TAFA5: variants seen among roughly 807,000 people sequenced by gnomAD.
The protein encoded by TAFA5 is chemokine-like protein TAFA-5.
TAFA5 carries 6 observed loss-of-function variants against 15.3 expected under a neutral mutation model. That is an observed-to-expected ratio of 0.39 (90% CI 0.21 to 0.77). The LOEUF is 0.77. TAFA5 is among the 30% of genes least tolerant of loss of function. The pLI is 0.41. For synonymous variants in TAFA5, 103 were observed against 80.7 expected (o/e 1.28, Z -1.48); for missense variants, 161 against 193.1 (o/e 0.83, Z 0.98).
At chr22:48,738,212 T>C (rs1930086311) in intron 3 of TAFA5, among the ~76,000 whole-genome samples, 2 of 152,174 alleles carry the variant, frequency 1.3e-5, no homozygotes, top group Admixed American at 1.3e-4. Context: ...GGGAGGGCCT[T>C]ATTGTCACTG....
chr22:48,552,689 T>C lies in TAFA5; in HGVS notation c.112+62985T>C, dbSNP rs1922898450. On this transcript the variant is annotated intron_variant, in intron 1 of 3. Transcript: ENST00000402357. The surrounding 1 kb of genome is among the most constrained non-coding windows in gnomAD (Gnocchi z 4.1). ...GATTAGCTCAGCTTACTTGATTCAT[T>C]GATTTTGTCAAGGGTCCGTTTATCA... Among the ~76,000 whole-genome samples the C allele has an allele frequency of 6.6e-6, 1 of 152,178 alleles. No homozygotes were observed. Among genetic ancestry groups the C allele is most frequent in the South Asian group, 2.1e-4 (1 of 4,832 alleles).
chr22:48,736,774 C>T (rs1930040855), intron 3 of TAFA5, among the ~76,000 whole-genome samples: 1 of 152,182 alleles, frequency 6.6e-6, no homozygotes, highest in Admixed American at 6.5e-5. Context: ...TGTGAAACTT[C>T]CGGAACAGGC....
chr22:48,607,846 T>A (rs1925251471), intron 1 of TAFA5, among the ~76,000 whole-genome samples: 1 of 152,174 alleles, frequency 6.6e-6, no homozygotes, highest in African/African-American at 2.4e-5. Context: ...TTCCATTTTT[T>A]GCTTGGTCTA....
chr22:48,507,170 GGTGT>G (rs1921022946), intron 1 of TAFA5, among the ~76,000 whole-genome samples: 3 of 108,912 alleles, frequency 2.8e-5, no homozygotes, highest in South Asian at 2.5e-4. Flanking sequence ...CAAAGGGCCA[GGTGT>G]GTAGTTGGAG....
At chr22:48,661,497 C>T (rs1050010812) in intron 2 of TAFA5, among the ~76,000 whole-genome samples, 1 of 152,208 alleles carries the variant, frequency 6.6e-6, no homozygotes, top group Non-Finnish European at 1.5e-5. Flanking sequence ...CCAAAGACAC[C>T]TTATGGCGTG....
Position 48,599,033 on chromosome 22 carries a change from G to A in TAFA5, c.113-47564G>A, listed in dbSNP as rs1484632701. Among the ~76,000 whole-genome samples, 5 of 152,156 alleles carry A rather than the reference G, an allele frequency of 3.3e-5. 1 individual carries two copies. The South Asian group carries it at 1.0e-3, about 32-fold the overall frequency. On this transcript the variant is annotated intron_variant, in intron 1 of 3. Coordinates refer to ENST00000402357, the MANE Select transcript of TAFA5 (RefSeq NM_001082967.3). ...GCCAGGGGAGGGGCGTGGGTGCTGA[G>A]CCCCCATGTCCTCTCTGGGCAAGCC...
Position 48,490,680 on chromosome 22 carries a change from T to C in TAFA5, c.112+976T>C, listed in dbSNP as rs1056737260. On this transcript the variant is annotated intron_variant, in intron 1 of 3. Transcript: ENST00000402357. The surrounding 1 kb of genome is among the most constrained non-coding windows in gnomAD (Gnocchi z 5.8). ...GCTTCAGCTCCGGGAGCTCCGGGCT[T>C]CTTGTCTTCAGCGGGAGAATAGGAC... 1.3e-5 allele frequency among the ~76,000 whole-genome samples: 2 copies of C among 151,078 alleles called. No homozygotes were observed. Among genetic ancestry groups the C allele is most frequent in the Non-Finnish European group, 2.9e-5 (2 of 67,862 alleles).
At chr22:48,714,891 T>A (rs1601693321) in intron 3 of TAFA5, among the ~76,000 whole-genome samples, 1 of 152,360 alleles carries the variant, frequency 6.6e-6, no homozygotes, top group East Asian at 1.9e-4. Flanking sequence ...TAGCTTCTGG[T>A]GACCCCAGGT....
intron 1 of TAFA5, among the ~76,000 whole-genome samples, chr22:48,588,774 C>T (rs1424499757): frequency 6.6e-6 from 1 of 152,120 alleles, no homozygotes; most frequent in Non-Finnish European, 1.5e-5. Flanking sequence ...CGGGGATGCT[C>T]CTGGCAGAAG....
chr22:48,544,341 G>C (rs1016239994), intron 1 of TAFA5: 1 of 283,216 alleles, frequency 3.5e-6, no homozygotes, highest in African/African-American at 2.2e-5. Flanking sequence ...ATGGGAGGAG[G>C]CTGCACAGGG....
intron 1 of TAFA5, among the ~76,000 whole-genome samples, chr22:48,497,423 C>G (rs974032404): frequency 1.3e-5 from 2 of 151,980 alleles, no homozygotes; most frequent in African/African-American, 4.8e-5. Flanking sequence ...CGCCTCAGCG[C>G]AGCCAAGAAG....
rs140429110 is a variant in TAFA5, at chr22:48,617,311, T to G, written c.113-29286T>G. ...CAGGGAGCCCAGGGGTGTGGCGGCC[T>G]CTGGAATCTGGAAAAGCAAAGGGAA... On this transcript the variant is annotated intron_variant, in intron 1 of 3. Coordinates refer to ENST00000402357, the MANE Select transcript of TAFA5 (RefSeq NM_001082967.3). 8.7e-4 allele frequency among the ~76,000 whole-genome samples: 132 copies of G among 152,192 alleles called. 4 individuals are homozygous for G. In the East Asian group the frequency reaches 0.023, roughly 27 times the overall value.
At chr22:48,722,642 C>T (rs1312682358) in intron 3 of TAFA5, among the ~76,000 whole-genome samples, 6 of 151,726 alleles carry the variant, frequency 4.0e-5, no homozygotes, top group Non-Finnish European at 7.4e-5. Context: ...CACCACGGCA[C>T]ATGTATACCT....
intron 2 of TAFA5, among the ~76,000 whole-genome samples, chr22:48,698,730 G>A (rs961925643): frequency 6.9e-5 from 2 of 28,846 alleles, no homozygotes; most frequent in African/African-American, 5.7e-4. Flanking sequence ...TGGCCCTACA[G>A]CGGGTGCCTC....
intron 3 of TAFA5, among the ~76,000 whole-genome samples, chr22:48,736,711 A>G (rs986639409): frequency 7.2e-5 from 11 of 152,208 alleles, no homozygotes; most frequent in African/African-American, 2.7e-4. Flanking sequence ...CGGAAACATG[A>G]CGCCGAGTGA....
intron 2 of TAFA5, among the ~76,000 whole-genome samples, chr22:48,682,628 A>G (rs73175152): frequency 0.035 from 5,392 of 152,248 alleles, 141 homozygotes; most frequent in Non-Finnish European, 0.055. Context: ...TGTATTGACA[A>G]AACCCTGACA....
At chr22:48,585,147 ACAC>A (rs1322225464) in intron 1 of TAFA5, among the ~76,000 whole-genome samples, 1 of 150,144 alleles carries the variant, frequency 6.7e-6, no homozygotes, top group Non-Finnish European at 1.5e-5. Flanking sequence ...ACAACAAAAT[ACAC>A]CACACACTAG....
intron 1 of TAFA5, among the ~76,000 whole-genome samples, chr22:48,518,230 C>T (rs147469568): frequency 2.1e-4 from 32 of 152,318 alleles, no homozygotes; most frequent in Non-Finnish European, 3.4e-4. Context: ...GGTGTCTGGA[C>T]CTGGGGTTTC....
intron 1 of TAFA5, among the ~76,000 whole-genome samples, chr22:48,508,022 G>A (rs1460621846): frequency 6.6e-6 from 1 of 152,122 alleles, no homozygotes; most frequent in Non-Finnish European, 1.5e-5. Flanking sequence ...GGGTTGTTGG[G>A]CAGTGGGGAG....
Sources: gnomAD v4.1 joint callset for allele counts (sites outside exome capture counted in the v4.1 genomes callset) on GRCh38, gnomAD v4.1.1 for gene constraint, Gnocchi (gnomAD v3.1) non-coding constraint, MANE v1.5 for transcripts, NCBI Gene and HGNC (gene_info 2026-07-23, HGNC 2026-07-21) for gene names.